The following APBB2 variants were observed in gnomAD, a reference collection of about 807,000 sequenced individuals.
APBB2 encodes Fe65-like 1.
APBB2 carries 38 observed loss-of-function variants against 82.5 expected under a neutral mutation model. The observed-to-expected ratio is 0.46, with a 90% CI of 0.36 to 0.60. The LOEUF is 0.60. APBB2 is among the 20% of genes least tolerant of loss of function. APBB2 has a pLI of 0.00. For missense variants in APBB2, 772 were observed against 972.3 expected (o/e 0.79, Z 2.74); for synonymous variants, 341 against 368.2 (o/e 0.93, Z 0.85).
intron 4 of APBB2, among the ~76,000 whole-genome samples, chr4:41,060,016 C>T (rs905488693): frequency 6.6e-6 from 1 of 151,878 alleles, no homozygotes; most frequent in African/African-American, 2.4e-5. Context: ...AACAATAACA[C>T]TGGTCCAGAA....
intron 2 of APBB2, among the ~76,000 whole-genome samples, chr4:41,107,164 A>G (rs1747570761): frequency 6.6e-6 from 1 of 152,128 alleles, no homozygotes; most frequent in Admixed American, 6.5e-5. Context: ...TACAAAAATT[A>G]GCCAGGCATG....
chr4:41,020,683 A>T (rs1291912726), intron 5 of APBB2, among the ~76,000 whole-genome samples: 1 of 152,254 alleles, frequency 6.6e-6, no homozygotes, highest in Non-Finnish European at 1.5e-5. Flanking sequence ...ACAAAAGTAA[A>T]GTTTGCTAAA....
At chr4:40,944,121 G>A (rs1261892306) in intron 7 of APBB2, among the ~76,000 whole-genome samples, 1 of 152,264 alleles carries the variant, frequency 6.6e-6, no homozygotes, top group African/African-American at 2.4e-5. Flanking sequence ...GAAAGGGGCA[G>A]AAATGCCTGG....
rs1165166519 is a variant in APBB2 at position 40,821,962 on chromosome 4, A to G, written c.2021T>C (p.Met674Thr). The G allele has an allele frequency of 2.5e-6, 4 of 1,614,228 alleles. No homozygotes were observed. The highest frequency in any genetic ancestry group is 2.5e-6 in the Non-Finnish European group (3 of 1,180,038). ...GKDVHTFAFIMDTGNQRFECH... is the reference protein window; with the variant it reads ...GKDVHTFAFITDTGNQRFECH... ...CTCAAAGCGCTGGTTCCCCGTGTCC[A>G]TGATGAAGGCAAATGTGTGGACGTC... Residue 674 changes from methionine to threonine, a missense_variant, in exon 17 of 18, where the codon ATG (methionine) becomes ACG (threonine). Physicochemically the swap from Met to Thr is moderately conservative, Grantham distance 81. Coordinates refer to ENST00000508593, the MANE Select transcript of APBB2 (RefSeq NM_004307.2).
At chr4:40,940,039 T>C (rs1786427423) in intron 7 of APBB2, among the ~76,000 whole-genome samples, 1 of 152,156 alleles carries the variant, frequency 6.6e-6, no homozygotes, top group African/African-American at 2.4e-5. Flanking sequence ...AGCTGATTTA[T>C]TTTTTCATTC....
At chr4:40,860,485 C>T (rs1208567553) in intron 12 of APBB2, among the ~76,000 whole-genome samples, 2 of 152,160 alleles carry the variant, frequency 1.3e-5, no homozygotes, top group South Asian at 2.1e-4. Flanking sequence ...CCCAGGACAC[C>T]GTGGGGAGAG....
chr4:41,186,928 T>C (rs1773063333), intron 1 of APBB2, among the ~76,000 whole-genome samples: 1 of 152,240 alleles, frequency 6.6e-6, no homozygotes, highest in Admixed American at 6.5e-5. Flanking sequence ...TATGTTCCTT[T>C]GAAATGCAAA....
rs1430594344 is a variant in APBB2, at chr4:41,127,464, G to A, written c.-261+15523C>T. On this transcript the variant is annotated intron_variant, in intron 2 of 17. Coordinates refer to ENST00000508593, the MANE Select transcript of APBB2 (RefSeq NM_004307.2). This position sits in a 1 kb window ranked among gnomAD's most constrained non-coding sequence, Gnocchi z 4.8. ...TAGCCATTCACTTCTTGGCATGAAA[G>A]GTTGCCTACTGCTGTGTTAATCTAG... is the stretch of plus-strand genomic sequence containing the variant. Among the ~76,000 whole-genome samples the A allele has an allele frequency of 6.6e-6, 1 of 152,204 alleles. No individual in the cohort carries two copies. The highest frequency in any genetic ancestry group is 1.9e-4 in the East Asian group (1 of 5,200).
chr4:41,137,126 A>T (rs1248637786), intron 2 of APBB2, among the ~76,000 whole-genome samples: 1 of 152,216 alleles, frequency 6.6e-6, no homozygotes, highest in Non-Finnish European at 1.5e-5. Context: ...AAACATATAC[A>T]ACTACACTAT....
chr4:41,068,407 T>C (rs570627774), intron 3 of APBB2, among the ~76,000 whole-genome samples: 5 of 152,252 alleles, frequency 3.3e-5, no homozygotes, highest in Admixed American at 3.3e-4. Flanking sequence ...TGAATAGTAT[T>C]GGGATTTGGA....
chr4:40,891,535 G>GT (rs531516466), intron 11 of APBB2, among the ~76,000 whole-genome samples: 41 of 152,300 alleles, frequency 2.7e-4, no homozygotes, highest in South Asian at 8.3e-4. Flanking sequence ...GGGGAATGAT[G>GT]TTTTAGTTTC....
rs1393524011 is a variant in APBB2 at position 40,982,756 on chromosome 4, A to C, written c.835+30827T>G. ...CAGTGAGCTGTGATCACGCCACTGC[A>C]CACCAGCCTGGGCAACAGAGACCCT... On this transcript the variant is annotated intron_variant, in intron 6 of 17. Transcript: ENST00000508593. 2.0e-5 allele frequency among the ~76,000 whole-genome samples: 3 copies of C among 151,670 alleles called. No homozygotes were observed. In the East Asian group the frequency reaches 5.8e-4, roughly 29 times the overall value.
chr4:40,971,944 G>A (rs929189785), intron 6 of APBB2, among the ~76,000 whole-genome samples: 6 of 151,918 alleles, frequency 3.9e-5, no homozygotes, highest in Non-Finnish European at 8.8e-5. Context: ...TATCCTTACG[G>A]GACAATTAAT....
At chr4:41,031,735 T>TATA (rs1182708905) in intron 5 of APBB2, among the ~76,000 whole-genome samples, 1 of 152,216 alleles carries the variant, frequency 6.6e-6, no homozygotes, top group Non-Finnish European at 1.5e-5. Context: ...AAGATAAGAC[T>TATA]ATAATAATAA....
intron 2 of APBB2, among the ~76,000 whole-genome samples, chr4:41,111,473 G>T (rs1037276490): frequency 3.9e-5 from 6 of 152,192 alleles, no homozygotes; most frequent in African/African-American, 1.4e-4. Flanking sequence ...GTTCTAGACA[G>T]TTATAGTGAA....
chr4:40,976,052 C>A (rs1317785929), intron 6 of APBB2, among the ~76,000 whole-genome samples: 8 of 151,792 alleles, frequency 5.3e-5, no homozygotes, highest in African/African-American at 1.7e-4. Context: ...TTCTTTCTGG[C>A]CAAAAATATT....
chr4:41,093,000 C>T (rs901599618), intron 3 of APBB2, among the ~76,000 whole-genome samples: 1 of 152,088 alleles, frequency 6.6e-6, no homozygotes, highest in Non-Finnish European at 1.5e-5. Flanking sequence ...ACTGAGGCTA[C>T]GAGAGCTATT....
intron 6 of APBB2, among the ~76,000 whole-genome samples, chr4:40,990,892 T>A (rs1161255340): frequency 6.6e-6 from 1 of 151,960 alleles, no homozygotes; most frequent in Non-Finnish European, 1.5e-5. Flanking sequence ...TGATATGCTC[T>A]ATGGAGGCAA....
chr4:41,127,401 A>T lies in APBB2; in HGVS notation c.-261+15586T>A, dbSNP rs1754701493. ...CATCAATAGAAGGCAATTGCAAAAAAATTTCATTCTCACTCACTTCACATG... is the reference window on the plus strand; with the variant it reads ...CATCAATAGAAGGCAATTGCAAAAATATTTCATTCTCACTCACTTCACATG... On this transcript the variant is annotated intron_variant, in intron 2 of 17. Coordinates refer to ENST00000508593, the MANE Select transcript of APBB2 (RefSeq NM_004307.2). This position sits in a 1 kb window ranked among gnomAD's most constrained non-coding sequence, Gnocchi z 4.8. Among the ~76,000 whole-genome samples, 1 of 152,196 alleles carries T rather than the reference A, an allele frequency of 6.6e-6. No individual in the cohort carries two copies. The highest frequency in any genetic ancestry group is 6.5e-5 in the Admixed American group (1 of 15,280).
Sources: gnomAD v4.1 joint callset for allele counts (sites outside exome capture counted in the v4.1 genomes callset) on GRCh38, gnomAD v4.1.1 for gene constraint, Gnocchi (gnomAD v3.1) non-coding constraint, MANE v1.5 for transcripts, NCBI Gene and HGNC (gene_info 2026-07-23, HGNC 2026-07-21) for gene names.